Variants in PCDH9 observed in about 807,000 individuals in gnomAD.
PCDH9 encodes protocadherin 9.
A neutral mutation model predicts 70.6 loss-of-function variants in PCDH9; 24 were observed. The ratio of observed to expected loss-of-function variants is 0.34; its 90% CI spans 0.25 to 0.48. PCDH9 has a LOEUF of 0.48. PCDH9 is among the 20% of genes least tolerant of loss of function. The pLI, the probability that PCDH9 is intolerant of heterozygous loss-of-function variation, is 0.99. For missense variants in PCDH9, 1,281 were observed against 1,503.6 expected (o/e 0.85, Z 2.45); for synonymous variants, 562 against 558.5 (o/e 1.01, Z -0.09).
chr13:66,944,026 C>T (rs2083048293), intron 2 of PCDH9, among the ~76,000 whole-genome samples: 1 of 149,456 alleles, frequency 6.7e-6, no homozygotes, highest in African/African-American at 2.5e-5. Context: ...TAACTTAACA[C>T]TATTGTGAGA....
chr13:67,152,698 G>C (rs36080062), intron 2 of PCDH9, among the ~76,000 whole-genome samples: 23,831 of 151,918 alleles, frequency 0.16, 2,217 homozygotes, highest in Non-Finnish European at 0.2. Flanking sequence ...TTTTTTCCAA[G>C]TGAGGGAAAA....
intron 2 of PCDH9, among the ~76,000 whole-genome samples, chr13:66,919,849 A>C (rs1267578489): frequency 6.6e-6 from 1 of 151,182 alleles, no homozygotes; most frequent in African/African-American, 2.4e-5. Context: ...AAACAAAGTC[A>C]GTTTCAGTTA....
At chr13:66,687,082 G>T (rs1345327381) in intron 3 of PCDH9, among the ~76,000 whole-genome samples, 1 of 152,116 alleles carries the variant, frequency 6.6e-6, no homozygotes, top group African/African-American at 2.4e-5. Flanking sequence ...TCATAAAACA[G>T]GAGTATTATG....
intron 4 of PCDH9, among the ~76,000 whole-genome samples, chr13:66,476,395 T>G (rs555426359): frequency 6.6e-6 from 1 of 152,224 alleles, no homozygotes; most frequent in South Asian, 2.1e-4. Context: ...AAGACTATTT[T>G]CTTATAAAGA....
At chr13:66,560,675 A>G (rs2138704282) in intron 4 of PCDH9, among the ~76,000 whole-genome samples, 1 of 152,342 alleles carries the variant, frequency 6.6e-6, no homozygotes, top group Non-Finnish European at 1.5e-5. Context: ...AATTGGCTTC[A>G]AAATACTCTT....
At chr13:66,839,158 G>T (rs1594130011) in intron 3 of PCDH9, among the ~76,000 whole-genome samples, 1 of 150,976 alleles carries the variant, frequency 6.6e-6, no homozygotes, top group South Asian at 2.1e-4. Context: ...AATATTCTGA[G>T]ATATATATAT....
chr13:66,331,247 C>T, intron 4 of PCDH9, among the ~76,000 whole-genome samples: 1 of 152,088 alleles, frequency 6.6e-6, no homozygotes. Flanking sequence ...CCATGGTTTC[C>T]ATACAACTGG....
intron 1 of PCDH9, among the ~76,000 whole-genome samples, chr13:67,229,353 A>T (rs571683596): frequency 6.2e-4 from 94 of 152,378 alleles, no homozygotes; most frequent in African/African-American, 2.2e-3. Context: ...AAACGCAGCT[A>T]ACATTCCCAT....
In PCDH9 at chr13:66,909,700, C is replaced by T. The variant is rs1487930920; in HGVS notation, c.3037-6095G>A. Among the ~76,000 whole-genome samples, 6 of 152,062 alleles carry T rather than the reference C, an allele frequency of 3.9e-5. No individual in the cohort carries two copies. The East Asian group carries it at 5.8e-4, about 15-fold the overall frequency. On this transcript the variant is annotated intron_variant, in intron 2 of 4. Coordinates refer to ENST00000377865, the MANE Select transcript of PCDH9 (RefSeq NM_203487.3). ...AGGAGAATGGCGTGAACCTGGGAGG[C>T]GGAGCTTGCAGTGCGCTGAGCATTT... is the stretch of plus-strand genomic sequence containing the variant.
intron 4 of PCDH9, among the ~76,000 whole-genome samples, chr13:66,386,434 C>T (rs1042970624): frequency 1.3e-5 from 2 of 152,110 alleles, no homozygotes; most frequent in African/African-American, 4.8e-5. Flanking sequence ...GGGGGTTGAA[C>T]TGGTGAATTA....
intron 2 of PCDH9, among the ~76,000 whole-genome samples, chr13:66,912,928 C>A (rs940582260): frequency 2.0e-5 from 3 of 151,962 alleles, no homozygotes; most frequent in Admixed American, 2.0e-4. Context: ...GGTTATATTT[C>A]TTTGTATTAT....
At chr13:66,872,174 C>T (rs903323722) in intron 3 of PCDH9, among the ~76,000 whole-genome samples, 2 of 152,066 alleles carry the variant, frequency 1.3e-5, no homozygotes, top group African/African-American at 4.8e-5. Context: ...AATGATGTTG[C>T]TGATATATTG....
chr13:66,696,333 A>G (rs1375575351), intron 3 of PCDH9, among the ~76,000 whole-genome samples: 1 of 152,216 alleles, frequency 6.6e-6, no homozygotes, highest in East Asian at 1.9e-4. Context: ...TACTTTTCTA[A>G]TAATTATTCA....
chr13:67,189,207 C>CGTGT (rs71110636), intron 2 of PCDH9, among the ~76,000 whole-genome samples: 8,351 of 149,502 alleles, frequency 0.056, 258 homozygotes, highest in Middle Eastern at 0.077. Context: ...TACATATATA[C>CGTGT]GTGTGTGTGT....
At chr13:67,017,742 A>G (rs1400534451) in intron 2 of PCDH9, among the ~76,000 whole-genome samples, 1 of 152,224 alleles carries the variant, frequency 6.6e-6, no homozygotes, top group Non-Finnish European at 1.5e-5. Flanking sequence ...GAATTTAAAA[A>G]AATCATTGCA....
chr13:66,852,106 C>G (rs1342084406), intron 3 of PCDH9, among the ~76,000 whole-genome samples: 2 of 152,044 alleles, frequency 1.3e-5, no homozygotes, highest in East Asian at 3.9e-4. Flanking sequence ...AAGGCCCTAT[C>G]TCCAAATAGT....
intron 2 of PCDH9, among the ~76,000 whole-genome samples, chr13:67,027,468 G>C (rs2084808916): frequency 1.3e-5 from 2 of 152,112 alleles, no homozygotes; most frequent in South Asian, 4.1e-4. Context: ...AGAAACCCTA[G>C]AAGAAAACCT....
chr13:66,436,832 C>A (rs574864021), intron 4 of PCDH9, among the ~76,000 whole-genome samples: 1 of 151,956 alleles, frequency 6.6e-6, no homozygotes, highest in South Asian at 2.1e-4. Context: ...GCTTCATGAG[C>A]AATTTCCATT....
intron 4 of PCDH9, among the ~76,000 whole-genome samples, chr13:66,536,526 C>T (rs1314231339): frequency 6.6e-6 from 1 of 151,998 alleles, no homozygotes; most frequent in East Asian, 1.9e-4. Context: ...AAACATGACT[C>T]AATGTGGCTT....
Sources: gnomAD v4.1 joint callset for allele counts (sites outside exome capture counted in the v4.1 genomes callset) on GRCh38, gnomAD v4.1.1 for gene constraint, MANE v1.5 for transcripts, NCBI Gene and HGNC (gene_info 2026-07-23, HGNC 2026-07-21) for gene names.